The following CACNA2D3 variants were observed in gnomAD, a reference collection of about 807,000 sequenced individuals.
CACNA2D3 encodes voltage-dependent calcium channel subunit alpha-2/delta-3.
A neutral mutation model predicts 160.6 loss-of-function variants in CACNA2D3; 60 were observed. The ratio of observed to expected loss-of-function variants is 0.37; its 90% CI spans 0.30 to 0.46. The LOEUF (loss-of-function observed/expected upper bound fraction) is 0.46. CACNA2D3 is among the 20% of genes least tolerant of loss of function. CACNA2D3 has a pLI of 1.00. For synonymous variants in CACNA2D3, 558 were observed against 492.9 expected (o/e 1.13, Z -1.75); for missense variants, 1,205 against 1,365.0 (o/e 0.88, Z 1.85).
chr3:54,209,105 T>C (rs976606877), intron 2 of CACNA2D3, among the ~76,000 whole-genome samples: 22 of 152,180 alleles, frequency 1.4e-4, no homozygotes, highest in Admixed American at 1.4e-3. Flanking sequence ...GGGGGAATTA[T>C]GGGAGCTACA....
At chr3:54,887,549 T>C (rs935227986) in intron 23 of CACNA2D3, among the ~76,000 whole-genome samples, 1 of 152,210 alleles carries the variant, frequency 6.6e-6, no homozygotes, top group Non-Finnish European at 1.5e-5. Context: ...GACAACAGGC[T>C]GAGAATTTCA....
At chr3:54,998,968 G>A (rs1046856840) in intron 31 of CACNA2D3, among the ~76,000 whole-genome samples, 5 of 152,134 alleles carry the variant, frequency 3.3e-5, no homozygotes, top group South Asian at 2.1e-4. Context: ...GGATGGTCTC[G>A]ATCTCCTGAC....
chr3:54,704,393 C>A (rs571911173), intron 11 of CACNA2D3, among the ~76,000 whole-genome samples: 2 of 152,278 alleles, frequency 1.3e-5, no homozygotes, highest in South Asian at 4.1e-4. Context: ...CTAAAACCTT[C>A]TATTGGGGGG....
intron 2 of CACNA2D3, among the ~76,000 whole-genome samples, chr3:54,134,544 C>T (rs564042451): frequency 3.3e-5 from 5 of 152,288 alleles, no homozygotes; most frequent in African/African-American, 1.2e-4. Flanking sequence ...TCACCAGGTC[C>T]TTCACAGCCC....
At chr3:54,747,578 G>GA (rs1054214487) in intron 11 of CACNA2D3, among the ~76,000 whole-genome samples, 4 of 151,756 alleles carry the variant, frequency 2.6e-5, no homozygotes, top group African/African-American at 4.8e-5. Context: ...AATCTCTCCT[G>GA]AAAAAAAAGG....
At chr3:54,135,839 C>T (rs945397319) in intron 2 of CACNA2D3, among the ~76,000 whole-genome samples, 7 of 152,108 alleles carry the variant, frequency 4.6e-5, no homozygotes, top group Non-Finnish European at 1.0e-4. Flanking sequence ...GGCTCAGTGG[C>T]CTGCCGCAGG....
At chr3:54,209,511 C>T (rs749649362) in intron 2 of CACNA2D3, among the ~76,000 whole-genome samples, 2 of 152,206 alleles carry the variant, frequency 1.3e-5, no homozygotes, top group African/African-American at 4.8e-5. Flanking sequence ...AAGGAGTTCA[C>T]GCATTAAATT....
intron 27 of CACNA2D3, among the ~76,000 whole-genome samples, chr3:54,907,514 G>A (rs1025469510): frequency 6.6e-6 from 1 of 152,130 alleles, no homozygotes; most frequent in African/African-American, 2.4e-5. Flanking sequence ...ACATCTGGGT[G>A]GGTAATAATC....
intron 2 of CACNA2D3, 31 bp downstream of exon 2, chr3:54,123,625 A>AT (rs767120838): frequency 1.9e-6 from 3 of 1,566,952 alleles, no homozygotes; most frequent in Non-Finnish European, 1.8e-6. Context: ...GGAAGCGATG[A>AT]TTTTTCCGGC....
At chr3:54,843,861 T>C (rs2106769973) in intron 16 of CACNA2D3, among the ~76,000 whole-genome samples, 1 of 152,274 alleles carries the variant, frequency 6.6e-6, no homozygotes, top group South Asian at 2.1e-4. Flanking sequence ...GTGTGGTTGG[T>C]GGTGCCGCCT....
At chr3:54,993,923 T>TG (rs1702798868) in intron 31 of CACNA2D3, among the ~76,000 whole-genome samples, 3 of 144,068 alleles carry the variant, frequency 2.1e-5, no homozygotes, top group African/African-American at 7.9e-5. Flanking sequence ...TGTGTGTGTT[T>TG]TGTGTGTGTG....
At chr3:54,515,386 A>G (rs73091694) in intron 5 of CACNA2D3, among the ~76,000 whole-genome samples, 22,547 of 77,228 alleles carry the variant, frequency 0.29, 2,115 homozygotes, top group South Asian at 0.37. Flanking sequence ...GAACTAAAGA[A>G]GTTGAGTTAC....
At chr3:54,174,785 A>G (rs1287564212) in intron 2 of CACNA2D3, among the ~76,000 whole-genome samples, 1 of 152,238 alleles carries the variant, frequency 6.6e-6, no homozygotes, top group South Asian at 2.1e-4. Flanking sequence ...TTGGCCTCCC[A>G]AAGTGCTGGG....
chr3:54,226,308 GA>G (rs1475832790), intron 2 of CACNA2D3, among the ~76,000 whole-genome samples: 1 of 125,202 alleles, frequency 8.0e-6, no homozygotes, highest in African/African-American at 3.2e-5. Context: ...TCCTGCCCCT[GA>G]TGCTTTTTTT....
intron 11 of CACNA2D3, among the ~76,000 whole-genome samples, chr3:54,724,487 A>C (rs1701239426): frequency 1.3e-5 from 2 of 152,212 alleles, no homozygotes; most frequent in South Asian, 4.1e-4. Context: ...GCCTCACTGC[A>C]CTTATTCTAA....
intron 27 of CACNA2D3, among the ~76,000 whole-genome samples, chr3:54,919,430 A>G (rs1185722204): frequency 1.3e-5 from 2 of 152,232 alleles, no homozygotes; most frequent in Non-Finnish European, 2.9e-5. Context: ...TGATCTGTGG[A>G]TTTGACAATA....
chr3:54,894,680 A>G (rs1700144797), intron 25 of CACNA2D3: 1 of 498,438 alleles, frequency 2.0e-6, no homozygotes, highest in African/African-American at 1.9e-5. Flanking sequence ...GAGAGTAGCA[A>G]TGCATCCTGC....
intron 4 of CACNA2D3, among the ~76,000 whole-genome samples, chr3:54,448,762 A>G (rs1700260450): frequency 6.6e-6 from 1 of 152,110 alleles, no homozygotes; most frequent in African/African-American, 2.4e-5. Flanking sequence ...ATTGTCCAGA[A>G]CTCTGGTCTT....
intron 13 of CACNA2D3, among the ~76,000 whole-genome samples, chr3:54,768,670 A>G (rs1426009772): frequency 6.6e-6 from 1 of 152,118 alleles, no homozygotes; most frequent in East Asian, 1.9e-4. Context: ...AATCATTCTT[A>G]TTTACTTTAA....
Sources: allele counts gnomAD v4.1 joint callset (sites outside exome capture counted in the v4.1 genomes callset), GRCh38; gene constraint gnomAD v4.1.1; transcripts MANE v1.5; gene names NCBI Gene and HGNC (gene_info 2026-07-23, HGNC 2026-07-21).